Variants in TKTL2 observed in about 807,000 individuals in gnomAD.
TKTL2 encodes transketolase like 2, also known as transketolase-like protein 2.
For synonymous variants in TKTL2, 259 were observed against 294.1 expected (o/e 0.88, Z 1.22); for missense variants, 825 against 799.4 (o/e 1.03, Z -0.39).
In TKTL2 at chr4:163,472,719, ACT is replaced by A. The variant is rs1560904125; in HGVS notation, c.1014_1015del (p.Arg338SerfsTer7). On this transcript the variant is annotated frameshift_variant, in exon 1 of 1. Coordinates refer to ENST00000280605, the MANE Select transcript of TKTL2 (RefSeq NM_032136.5). LOFTEE classifies it low-confidence loss of function (END_TRUNC). ...CATCGTGTCACCACTCAGAACAATA[ACT>A]CTTTCATTTGCACGGCCCAGTTTAG... 1 of 1,611,032 alleles carries A rather than the reference ACT, an allele frequency of 6.2e-7. No individual in the cohort carries two copies. The highest frequency in any genetic ancestry group is 2.2e-5 in the East Asian group (1 of 44,826).
Position 163,472,640 on chromosome 4 carries a change from C to A in TKTL2, c.1095G>T (p.Glu365Asp), listed in dbSNP as rs142937505. 4 of 1,614,082 alleles carry A rather than the reference C, an allele frequency of 2.5e-6. No homozygotes were observed. The highest frequency in any genetic ancestry group is 3.4e-6 in the Non-Finnish European group (4 of 1,180,050). Residue 365 changes from glutamate to aspartate, a missense_variant, in exon 1 of 1, where the codon GAG becomes GAT. Physicochemically the swap from Glu to Asp is conservative, Grantham distance 45. Transcript: ENST00000280605. ...CCATGTTTTGTTCAGCAATAATACA[C>A]TCTATGAAACGCTCAGGGTGTTCTT... Reference protein sequence around the residue: ...FRKEHPERFIECIIAEQNMVS... With the variant: ...FRKEHPERFIDCIIAEQNMVS...
chr4:163,471,942 T>C lies in TKTL2; in HGVS notation c.1793A>G (p.Gln598Arg), dbSNP rs1203512182. Reference protein sequence around the residue: ...VHQLAVSGVPQRGKTSELLDM... With the variant: ...VHQLAVSGVPRRGKTSELLDM... ...CAGCAATTCACTAGTTTTCCCACGT[T>C]GAGGCACTCCTGACACTGCCAGTTG... The change falls in exon 1 of 1, where the codon CAA becomes CGA. Residue 598 changes from glutamine to arginine, a missense_variant. By Grantham distance (43) the Gln-to-Arg change is conservative. Coordinates refer to ENST00000280605, the MANE Select transcript of TKTL2 (RefSeq NM_032136.5). 1 of 1,608,876 alleles carries C rather than the reference T, an allele frequency of 6.2e-7. No homozygotes were observed. Among genetic ancestry groups the C allele is most frequent in the Non-Finnish European group, 8.5e-7 (1 of 1,177,654 alleles).
chr4:163,472,934 T>C lies in TKTL2; in HGVS notation c.801A>G (p.Pro267=), dbSNP rs753643667. The change falls in exon 1 of 1, where the codon CCA becomes CCG. Residue 267 remains proline, a synonymous_variant. Coordinates refer to ENST00000280605, the MANE Select transcript of TKTL2 (RefSeq NM_032136.5). ...DAENWHGKPV[P]KERADAIVKL... ...TGACAATTGCATCTGCTCTTTCTTT[T>C]GGCACTGGCTTTCCATGCCAATTTT... 6 of 1,613,956 alleles carry C rather than the reference T, an allele frequency of 3.7e-6. No individual in the cohort carries two copies. The East Asian group carries it at 1.3e-4, about 36-fold the overall frequency.
At position 163,473,177 on chromosome 4, in the gene TKTL2, G is replaced by C; in HGVS notation, c.558C>G (p.Asn186Lys). 2 of 1,613,644 alleles carry C rather than the reference G, an allele frequency of 1.2e-6. No homozygotes were observed. The highest frequency in any genetic ancestry group is 1.7e-6 in the Non-Finnish European group (2 of 1,179,968). ...LDNLVAVFDV[N>K]RLGQSGPAPL... ...GTGCAGGGCCACTTTGTCCCAAGCG[G>C]TTCACGTCGAAGACCGCCACGAGAT... The change falls in exon 1 of 1, where the codon AAC becomes AAG. Residue 186 changes from asparagine (N) to lysine (K), a missense_variant. Transcript: ENST00000280605.
In TKTL2 at chr4:163,472,381, G is replaced by A. The variant is rs763628539; in HGVS notation, c.1354C>T (p.Pro452Ser). 8 of 1,604,138 alleles carry A rather than the reference G, an allele frequency of 5.0e-6. No homozygotes were observed. The highest frequency in any genetic ancestry group is 6.8e-6 in the Non-Finnish European group (8 of 1,175,006). ...TGCTCTGTCGAGATGGCATCACTTGGATAGAAAACAGTACAATTGGGAATG... is the reference window on the plus strand; with the variant it reads ...TGCTCTGTCGAGATGGCATCACTTGAATAGAAAACAGTACAATTGGGAATG... The part of the protein sequence containing the change: ...RSIPNCTVFY[P>S]SDAISTEHAI... Residue 452 changes from proline (P) to serine (S), a missense_variant, in exon 1 of 1, where the codon CCA becomes TCA. Physicochemically the swap from Pro to Ser is moderately conservative, Grantham distance 74 (BLOSUM62 -1). Transcript: ENST00000280605.
Position 163,471,655 on chromosome 4 carries a change from C to A in TKTL2, c.*199G>T. ...TTAATAACTCAGAGTAACATTTATACATAGATTAACAGAAAGGTAAACTTT... is the reference window on the plus strand; with the variant it reads ...TTAATAACTCAGAGTAACATTTATAAATAGATTAACAGAAAGGTAAACTTT... On this transcript the variant is annotated 3_prime_UTR_variant, in exon 1 of 1. Transcript: ENST00000280605. The A allele has an allele frequency of 2.4e-6, 1 of 409,218 alleles. No homozygotes were observed. Among genetic ancestry groups the A allele is most frequent in the Non-Finnish European group, 4.2e-6 (1 of 235,552 alleles). 25.3% of individuals were successfully genotyped at this position (409,218 alleles called of 1,614,324 possible).
rs757169252 is a variant in TKTL2, at chr4:163,471,916, C to G, written c.1819G>C (p.Asp607His). The change falls in exon 1 of 1, where the codon GAT becomes CAT. Residue 607 changes from aspartate to histidine, a missense_variant. Asp to His is a moderately conservative substitution (Grantham distance 81, BLOSUM62 -1). Coordinates refer to ENST00000280605, the MANE Select transcript of TKTL2 (RefSeq NM_032136.5). ...PQRGKTSELL[D>H]MFGISTRHII... ...TGTCTGGTACTGATTCCAAACATAT[C>G]CAGCAATTCACTAGTTTTCCCACGT... 6.3e-7 allele frequency: 1 copy of G among 1,591,886 alleles called. No homozygotes were observed. The highest frequency in any genetic ancestry group is 1.2e-5 in the South Asian group (1 of 86,172).
rs568082836 is a variant in TKTL2 at position 163,471,110 on chromosome 4, C to T, written c.*744G>A. On this transcript the variant is annotated 3_prime_UTR_variant, in exon 1 of 1. Coordinates refer to ENST00000280605, the MANE Select transcript of TKTL2 (RefSeq NM_032136.5). ...GACTGAAGTATCTGATTTTTAAATG[C>T]TTTATTACATTAACTTTAGTATCAT... is the stretch of plus-strand genomic sequence containing the variant. 3.3e-5 allele frequency: 5 copies of T among 152,290 alleles called. No homozygotes were observed. Among genetic ancestry groups the T allele is most frequent in the African/African-American group, 1.2e-4 (5 of 41,570 alleles). The allele number at this position is 152,290 out of a possible 1,614,324, so 9.4% of individuals were successfully genotyped here. A position where few individuals can be genotyped will look rare whatever the true frequency, so the allele number is the denominator to read the frequency against.
Position 163,472,365 on chromosome 4 carries a change from G to A in TKTL2, c.1370C>T (p.Ser457Leu), listed in dbSNP as rs145423814. 1.9e-6 allele frequency: 3 copies of A among 1,601,118 alleles called. No homozygotes were observed. The highest frequency in any genetic ancestry group is 2.6e-6 in the Non-Finnish European group (3 of 1,173,634). ...GGCTAGATAAATAGCATGCTCTGTC[G>A]AGATGGCATCACTTGGATAGAAAAC... The part of the protein sequence containing the change: ...CTVFYPSDAI[S>L]TEHAIYLAAN... The change falls in exon 1 of 1, where the codon TCG becomes TTG. Residue 457 changes from serine to leucine, a missense_variant. By Grantham distance (145) the Ser-to-Leu change is moderately radical. Coordinates refer to ENST00000280605, the MANE Select transcript of TKTL2 (RefSeq NM_032136.5).
rs1010387987 is a variant in TKTL2, at chr4:163,473,735, C to G, written c.-1G>C. ...CGGGCTTGGCGTCGTTGGCCATCAT[C>G]TCTCTTTTGTCGGTTTGGCAAAGCA... On this transcript the variant is annotated 5_prime_UTR_variant, in exon 1 of 1. Coordinates refer to ENST00000280605, the MANE Select transcript of TKTL2 (RefSeq NM_032136.5). 6.3e-7 allele frequency: 1 copy of G among 1,597,188 alleles called. No individual in the cohort carries two copies. The highest frequency in any genetic ancestry group is 1.3e-5 in the African/African-American group (1 of 74,648).
In TKTL2 at chr4:163,473,376, T is replaced by C; in HGVS notation, c.359A>G (p.Asp120Gly). The change falls in exon 1 of 1, where the codon GAC becomes GGC. Residue 120 changes from aspartate to glycine, a missense_variant. Asp to Gly is a moderately conservative substitution (Grantham distance 94). Transcript: ENST00000280605. ...CTGACCTAGGGACCCTGTTGCCACGTCAACAAACGGCAATCGGGGGGTAGG... is the reference window on the plus strand; with the variant it reads ...CTGACCTAGGGACCCTGTTGCCACGCCAACAAACGGCAATCGGGGGGTAGG... ...RHPTPRLPFV[D>G]VATGSLGQGL... 9.3e-6 allele frequency: 15 copies of C among 1,613,890 alleles called. No homozygotes were observed. The highest frequency in any genetic ancestry group is 1.3e-5 in the Non-Finnish European group (15 of 1,179,952).
At position 163,473,348 on chromosome 4, in the gene TKTL2, T is replaced by G. The variant is rs555509383; in HGVS notation, c.387A>C (p.Gly129=). Residue 129 remains glycine, a synonymous_variant, in exon 1 of 1, where the codon GGA becomes GGC. Transcript: ENST00000280605. ...AAGCCATTCCACATGCAGTACCTAA[T>G]CCCTGACCTAGGGACCCTGTTGCCA... ...VDVATGSLGQ[G]LGTACGMAYT... is the part of the protein sequence containing the mutation. The G allele has an allele frequency of 1.1e-5, 18 of 1,613,998 alleles. No individual in the cohort carries two copies. In the East Asian group the frequency reaches 2.0e-4, roughly 18 times the overall value.
Position 163,471,202 on chromosome 4 carries a change from A to G in TKTL2, c.*652T>C, listed in dbSNP as rs1053886430. 1 of 152,262 alleles carries G rather than the reference A, an allele frequency of 6.6e-6. No homozygotes were observed. The highest frequency in any genetic ancestry group is 1.5e-5 in the Non-Finnish European group (1 of 68,046). The allele number at this position is 152,262 out of a possible 1,614,324, so 9.4% of individuals were successfully genotyped here. A position where few individuals can be genotyped will look rare whatever the true frequency, so the allele number is the denominator to read the frequency against. ...CAAGGAAAAGAAAAAACATTTCTGA[A>G]GCTTCACAAAACTATGTGTGTAGTG... On this transcript the variant is annotated 3_prime_UTR_variant, in exon 1 of 1. Coordinates refer to ENST00000280605, the MANE Select transcript of TKTL2 (RefSeq NM_032136.5).
chr4:163,471,787 T>G lies in TKTL2; in HGVS notation c.*67A>C. ...GGTTTTGTGACAATAAACATGAATT[T>G]AATACAAAGATACCAGTGCTTTTGG... On this transcript the variant is annotated 3_prime_UTR_variant, in exon 1 of 1. Transcript: ENST00000280605. 1.5e-6 allele frequency: 2 copies of G among 1,290,570 alleles called. No individual in the cohort carries two copies. Among genetic ancestry groups the G allele is most frequent in the Non-Finnish European group, 2.1e-6 (2 of 945,502 alleles). 79.9% of individuals were successfully genotyped at this position (1,290,570 alleles called of 1,614,324 possible). A position where few individuals can be genotyped will look rare whatever the true frequency, so the allele number is the denominator to read the frequency against.
At position 163,472,121 on chromosome 4, in the gene TKTL2, T is replaced by C. The variant is rs1006615459; in HGVS notation, c.1614A>G (p.Pro538=). 1.8e-5 allele frequency: 29 copies of C among 1,614,058 alleles called. No homozygotes were observed. The highest frequency in any genetic ancestry group is 2.3e-5 in the Non-Finnish European group (27 of 1,180,036). ...QQGISVRVID[P]FTIKPLDAAT... The stretch of plus-strand genomic sequence containing the variant: ...CGGCATCCAGGGGTTTAATGGTAAA[T>C]GGGTCGATGACACGGACAGAAATAC... The change falls in exon 1 of 1, where the codon CCA becomes CCG. Residue 538 remains proline (P), a synonymous_variant. Transcript: ENST00000280605.
chr4:163,472,623 T>G lies in TKTL2; in HGVS notation c.1112A>C (p.Gln371Pro), dbSNP rs1737189779. The G allele has an allele frequency of 1.2e-6, 2 of 1,614,086 alleles. No individual in the cohort carries two copies. Among genetic ancestry groups the G allele is most frequent in the Non-Finnish European group, 8.5e-7 (1 of 1,180,046 alleles). Residue 371 changes from glutamine to proline, a missense_variant, in exon 1 of 1, where the codon CAA (glutamine) becomes CCA (proline). By Grantham distance (76) the Gln-to-Pro change is moderately conservative. Transcript: ENST00000280605. ...ERFIECIIAE[Q>P]NMVSVALGCA... is the part of the protein sequence containing the mutation. The stretch of plus-strand genomic sequence containing the variant: ...GCCTAGTGCCACACTTACCATGTTT[T>G]GTTCAGCAATAATACACTCTATGAA...
Position 163,472,230 on chromosome 4 carries a change from C to T in TKTL2, c.1505G>A (p.Gly502Asp). ...EIGQAKVVRHGVNDKVTVIGA... is the reference protein window; with the variant it reads ...EIGQAKVVRHDVNDKVTVIGA... ...AATTACTGTGACTTTATCATTGACA[C>T]CGTGGCGGACCACCTTGGCCTGGCC... Residue 502 changes from glycine to aspartate, a missense_variant, in exon 1 of 1, where the codon GGT becomes GAT. By Grantham distance (94) the Gly-to-Asp change is moderately conservative (BLOSUM62 -1). Coordinates refer to ENST00000280605, the MANE Select transcript of TKTL2 (RefSeq NM_032136.5). The T allele has an allele frequency of 6.2e-7, 1 of 1,614,110 alleles. No homozygotes were observed. Among genetic ancestry groups the T allele is most frequent in the South Asian group, 1.1e-5 (1 of 91,082 alleles).
Position 163,472,714 on chromosome 4 carries a change from C to T in TKTL2, c.1021G>A (p.Val341Ile), listed in dbSNP as rs754921642. The change falls in exon 1 of 1, where the codon GTT becomes ATT. Residue 341 changes from valine (V) to isoleucine (I), a missense_variant. Transcript: ENST00000280605. The stretch of plus-strand genomic sequence containing the variant: ...GAGTTCATCGTGTCACCACTCAGAA[C>T]AATAACTCTTTCATTTGCACGGCCC... ...KLGRANERVI[V>I]LSGDTMNSTF... 1.2e-6 allele frequency: 2 copies of T among 1,611,864 alleles called. No individual in the cohort carries two copies. The highest frequency in any genetic ancestry group is 2.2e-5 in the East Asian group (1 of 44,878).
chr4:163,472,676 C>T lies in TKTL2; in HGVS notation c.1059G>A (p.Glu353=). 1 of 1,614,106 alleles carries T rather than the reference C, an allele frequency of 6.2e-7. No homozygotes were observed. Among genetic ancestry groups the T allele is most frequent in the South Asian group, 1.1e-5 (1 of 91,074 alleles). ...SGDTMNSTFS[E]IFRKEHPERF... is the part of the protein sequence containing the mutation. The stretch of plus-strand genomic sequence containing the variant: ...GCTCAGGGTGTTCTTTCCTGAATAT[C>T]TCAGAAAAGGTGGAGTTCATCGTGT... Residue 353 remains glutamate (E), a synonymous_variant, in exon 1 of 1, where the codon GAG becomes GAA. Transcript: ENST00000280605.
Sources: allele counts gnomAD v4.1 joint callset, GRCh38; gene constraint gnomAD v4.1.1; transcripts MANE v1.5; gene names NCBI Gene and HGNC (gene_info 2026-07-23, HGNC 2026-07-21).